The following GNPTAB variants were observed in gnomAD, a reference collection of about 807,000 sequenced individuals.
GNPTAB encodes the protein N-acetylglucosamine-1-phosphotransferase subunits alpha/beta.
In GNPTAB, 92 loss-of-function variants were observed where a neutral mutation model predicts 136.6. The ratio of observed to expected loss-of-function variants is 0.67; its 90% CI spans 0.57 to 0.80. The LOEUF is 0.80. Among genes scored for constraint, GNPTAB ranks in the 30% least tolerant of loss-of-function variants. The pLI, the probability that GNPTAB is intolerant of heterozygous loss-of-function variation, is 0.00. For synonymous variants in GNPTAB, 512 were observed against 535.1 expected, an observed-to-expected ratio of 0.96 and a Z score of 0.60; for missense variants, 1,343 against 1,501.8, an observed-to-expected ratio of 0.89 and a Z score of 1.75.
chr12:101,806,210 G>T (rs1467162424), intron 1 of GNPTAB, among the ~76,000 whole-genome samples: 2 of 152,152 alleles, frequency 1.3e-5, no homozygotes, highest in Non-Finnish European at 2.9e-5. Flanking sequence ...TTAGTCTGGA[G>T]CTAGACATCA....
intron 16 of GNPTAB, 100 bp from the exon 17 acceptor site, chr12:101,757,757 C>A: frequency 1.4e-6 from 1 of 739,052 alleles, no homozygotes; most frequent in South Asian, 1.4e-5. Flanking sequence ...ATTCTATGCT[C>A]TCTGGAGGTA....
intron 1 of GNPTAB, among the ~76,000 whole-genome samples, chr12:101,826,074 G>A (rs1830972137): frequency 6.6e-6 from 1 of 152,154 alleles, no homozygotes. Context: ...CTAATTTCTT[G>A]AAATAAGGCC....
intron 15 of GNPTAB, among the ~76,000 whole-genome samples, chr12:101,760,779 TTC>T (rs1952980007): frequency 6.7e-6 from 1 of 149,308 alleles, no homozygotes; most frequent in Admixed American, 6.8e-5. Flanking sequence ...AAATTTTCTT[TTC>T]TTTTTTTTTT....
intron 5 of GNPTAB, among the ~76,000 whole-genome samples, chr12:101,784,933 C>A (rs543626257): frequency 1.3e-5 from 2 of 152,096 alleles, no homozygotes. Flanking sequence ...GAGCAGAAGA[C>A]GCAGGTTATG....
intron 12 of GNPTAB, 86 bp from the exon 13 acceptor site, chr12:101,765,390 A>G: frequency 1.1e-6 from 1 of 933,344 alleles, no homozygotes; most frequent in Non-Finnish European, 1.7e-6. Flanking sequence ...CTGAGTTTTC[A>G]CTTTCTTTTA....
intron 1 of GNPTAB, among the ~76,000 whole-genome samples, chr12:101,824,439 T>C (rs1300420009): frequency 1.4e-5 from 1 of 71,096 alleles, no homozygotes; most frequent in African/African-American, 4.8e-5. Flanking sequence ...TATATTTTCT[T>C]TTTTTTTTTT....
chr12:101,827,738 G>A (rs533435959), intron 1 of GNPTAB, among the ~76,000 whole-genome samples: 1 of 152,300 alleles, frequency 6.6e-6, no homozygotes, highest in South Asian at 2.1e-4. Flanking sequence ...GCCAAGGCAG[G>A]CGGATCACCT....
intron 5 of GNPTAB, chr12:101,785,802 G>A: frequency 1.8e-6 from 1 of 553,266 alleles, no homozygotes; most frequent in Non-Finnish European, 3.2e-6. Context: ...GCACAGAAAG[G>A]TATGTGTATT....
At chr12:101,765,639 ACT>A (rs1953079413) in intron 12 of GNPTAB, 1 of 371,064 alleles carries the variant, frequency 2.7e-6, no homozygotes, top group Non-Finnish European at 5.0e-6. Context: ...AGTGATCCTG[ACT>A]CACTATAGAG....
intron 1 of GNPTAB, among the ~76,000 whole-genome samples, chr12:101,826,698 G>T (rs902460489): frequency 6.6e-6 from 1 of 151,818 alleles, no homozygotes; most frequent in Non-Finnish European, 1.5e-5. Context: ...ATTAAATAAT[G>T]ATGGCCCTGA....
intron 2 of GNPTAB, chr12:101,796,379 C>T (rs1460432029): frequency 5.2e-5 from 35 of 673,074 alleles, no homozygotes; most frequent in Non-Finnish European, 2.7e-6. Flanking sequence ...CACTTTTCTT[C>T]AGATGGACAT....
intron 7 of GNPTAB, among the ~76,000 whole-genome samples, chr12:101,774,709 G>C (rs1566079838): frequency 6.6e-6 from 1 of 152,156 alleles, no homozygotes; most frequent in East Asian, 1.9e-4. Context: ...GCCACTTTAA[G>C]ATATTGCTTA....
chr12:101,791,448 T>G (rs1033009525), intron 2 of GNPTAB, among the ~76,000 whole-genome samples: 4 of 132,294 alleles, frequency 3.0e-5, no homozygotes, highest in Non-Finnish European at 6.3e-5. Context: ...ACACTAAAGA[T>G]AGTTGATGAG....
In GNPTAB at chr12:101,764,962, A is replaced by C. The variant is rs1953064841; in HGVS notation, c.1955T>G (p.Leu652Ter). ...TGGAAGAAGTGTTATGGGACTAACTAAATTTTCGTAACCCTTCTGGGCTGT... is the reference window on the plus strand; with the variant it reads ...TGGAAGAAGTGTTATGGGACTAACTCAATTTTCGTAACCCTTCTGGGCTGT... ...NSTAQKGYEN[L>*]VSPITLLPEA... is the part of the protein sequence containing the mutation. The change falls in exon 13 of 21, where the codon TTA becomes TGA. Residue 652 changes from leucine (L) to a stop codon, truncating the protein, a stop_gained. Coordinates refer to ENST00000299314, the MANE Select transcript of GNPTAB (RefSeq NM_024312.5). LOFTEE classifies it high-confidence loss of function. 1.2e-6 allele frequency: 2 copies of C among 1,613,998 alleles called. No individual in the cohort carries two copies. The highest frequency in any genetic ancestry group is 1.7e-6 in the Non-Finnish European group (2 of 1,179,968).
At chr12:101,763,221 CAAAAA>C (rs754822672) in intron 13 of GNPTAB, among the ~76,000 whole-genome samples, 711 of 59,906 alleles carry the variant, frequency 0.012, 5 homozygotes, top group African/African-American at 0.044. Flanking sequence ...AACTCCATCT[CAAAAA>C]AAAAAAAAAA....
intron 16 of GNPTAB, among the ~76,000 whole-genome samples, chr12:101,758,102 G>A (rs1342457070): frequency 6.7e-6 from 1 of 149,686 alleles, no homozygotes; most frequent in Non-Finnish European, 1.5e-5. Flanking sequence ...GCAGTGGCGC[G>A]ATCTCAGCTT....
chr12:101,781,801 A>G (rs955476325), intron 5 of GNPTAB, among the ~76,000 whole-genome samples: 1 of 152,236 alleles, frequency 6.6e-6, no homozygotes, highest in Admixed American at 6.5e-5. Context: ...TTACAACTTT[A>G]TCAGATAAAC....
At chr12:101,776,319 C>T (rs1375293958) in intron 7 of GNPTAB, among the ~76,000 whole-genome samples, 1 of 152,176 alleles carries the variant, frequency 6.6e-6, no homozygotes, top group Admixed American at 6.5e-5. Flanking sequence ...AAAATAAGGA[C>T]TGATGATCTG....
intron 7 of GNPTAB, among the ~76,000 whole-genome samples, chr12:101,775,831 A>C (rs1175103443): frequency 6.6e-6 from 1 of 152,240 alleles, no homozygotes; most frequent in Non-Finnish European, 1.5e-5. Flanking sequence ...AAAGGGCATT[A>C]GTAGAAAATT....
Sources: gnomAD v4.1 joint callset for allele counts (sites outside exome capture counted in the v4.1 genomes callset) on GRCh38, gnomAD v4.1.1 for gene constraint, MANE v1.5 for transcripts, NCBI Gene and HGNC (gene_info 2026-07-23, HGNC 2026-07-21) for gene names.